Variants in IL1RAPL2 observed in about 807,000 individuals in gnomAD.
The protein encoded by IL1RAPL2 is interleukin 1 receptor accessory protein like 2, also known as X-linked interleukin-1 receptor accessory protein-like 2.
In IL1RAPL2, 3 loss-of-function variants were observed where a neutral mutation model predicts 44.1. That is an observed-to-expected ratio of 0.07 (90% CI 0.03 to 0.18). The LOEUF is 0.18. IL1RAPL2 is among the 10% of genes least tolerant of loss of function. The probability of loss-of-function intolerance (pLI) is 1.00; values close to 1 mark genes in which losing one functional copy is unlikely to be tolerated. For synonymous variants in IL1RAPL2, 181 were observed against 178.8 expected (o/e 1.01, Z -0.10); for missense variants, 391 against 496.4 (o/e 0.79, Z 2.02).
intron 2 of IL1RAPL2, among the ~76,000 whole-genome samples, chrX:104,674,609 C>G (rs1930702602): frequency 9.0e-6 from 1 of 111,231 alleles, no homozygotes; most frequent in Non-Finnish European, 1.9e-5. Flanking sequence ...ATGCTGGCCT[C>G]ATAAAATGAG....
chrX:105,221,854 A>C (rs1354560286), intron 3 of IL1RAPL2, among the ~76,000 whole-genome samples: 1 of 111,389 alleles, frequency 9.0e-6, no homozygotes, highest in African/African-American at 3.3e-5. Flanking sequence ...TAAGTTACCT[A>C]CCCTTCATAC....
chrX:105,367,660 T>A (rs1394860167), intron 5 of IL1RAPL2, among the ~76,000 whole-genome samples: 1 of 111,895 alleles, frequency 8.9e-6, no homozygotes, highest in African/African-American at 3.2e-5. Context: ...CACTTTGTTT[T>A]TCATGACACA....
At chrX:105,030,079 G>A (rs781596147) in intron 2 of IL1RAPL2, among the ~76,000 whole-genome samples, 7 of 111,485 alleles carry the variant, frequency 6.3e-5, no homozygotes, top group South Asian at 3.8e-4. Context: ...CATATCCTTC[G>A]CCCACTTTTT....
chrX:105,538,685 G>A (rs1192084799), intron 6 of IL1RAPL2, among the ~76,000 whole-genome samples: 1 of 111,518 alleles, frequency 9.0e-6, no homozygotes, highest in Non-Finnish European at 1.9e-5. Flanking sequence ...GGAAGTCCTA[G>A]CCAGAGTAAT....
intron 2 of IL1RAPL2, among the ~76,000 whole-genome samples, chrX:104,895,813 C>G (rs1475820609): frequency 1.8e-5 from 2 of 111,786 alleles, no homozygotes; most frequent in African/African-American, 6.5e-5. Flanking sequence ...GTCGGACAAG[C>G]CCCAGTGAGA....
At chrX:105,219,473 G>T (rs2033916584) in intron 3 of IL1RAPL2, 2 of 1,207,797 alleles carry the variant, frequency 1.7e-6, no homozygotes, top group East Asian at 5.9e-5. Flanking sequence ...ATTCTCTCCA[G>T]CTTCTCTGTG....
chrX:105,745,932 C>A (rs995022914), intron 8 of IL1RAPL2, among the ~76,000 whole-genome samples: 1 of 112,010 alleles, frequency 8.9e-6, no homozygotes, highest in African/African-American at 3.2e-5. Context: ...ACCCTCCTGC[C>A]CCGGCCTCCC....
intron 2 of IL1RAPL2, among the ~76,000 whole-genome samples, chrX:105,185,881 A>G (rs782606382): frequency 1.8e-5 from 2 of 112,220 alleles, no homozygotes; most frequent in Non-Finnish European, 3.8e-5. Flanking sequence ...TATGTGAGTT[A>G]TCGCAGGATG....
intron 6 of IL1RAPL2, among the ~76,000 whole-genome samples, chrX:105,624,570 T>C (rs931631575): frequency 1.8e-5 from 2 of 111,715 alleles, no homozygotes; most frequent in South Asian, 7.5e-4. Flanking sequence ...TACATAAGTA[T>C]TGAAGAAAAG....
chrX:105,263,203 A>G (rs2034374213), intron 4 of IL1RAPL2, among the ~76,000 whole-genome samples: 1 of 110,595 alleles, frequency 9.0e-6, no homozygotes, highest in Non-Finnish European at 1.9e-5. Context: ...ATTTTTAAGC[A>G]GATGTTTAGA....
At chrX:104,938,516 T>C (rs906847325) in intron 2 of IL1RAPL2, among the ~76,000 whole-genome samples, 1 of 111,667 alleles carries the variant, frequency 9.0e-6, no homozygotes, top group Non-Finnish European at 1.9e-5. Context: ...TGAATGCAGA[T>C]TTGTTAAATT....
chrX:105,353,518 T>C (rs1471026012), intron 5 of IL1RAPL2, among the ~76,000 whole-genome samples: 1 of 111,755 alleles, frequency 8.9e-6, no homozygotes, highest in Admixed American at 9.6e-5. Flanking sequence ...TAAATTACCT[T>C]GGGCAGTATG....
chrX:105,671,850 A>AT lies in IL1RAPL2; in HGVS notation c.773-45511dup, dbSNP rs989878100. 2.8e-5 allele frequency among the ~76,000 whole-genome samples: 3 copies of AT among 109,027 alleles called. No homozygotes were observed. The Admixed American group carries it at 3.0e-4, about 11-fold the overall frequency. 94.7% of individuals were successfully genotyped at this position (109,027 alleles called of 115,157 possible). A position where few individuals can be genotyped will look rare whatever the true frequency, so the allele number is the denominator to read the frequency against. The stretch of plus-strand genomic sequence containing the variant: ...ATCTATTCATTTTTTTTTCTAGTCT[A>AT]TTTTTTCTCTACTGTCCAGAATGAG... On this transcript the variant is annotated intron_variant, in intron 6 of 10. Transcript: ENST00000372582.
intron 2 of IL1RAPL2, among the ~76,000 whole-genome samples, chrX:104,892,706 G>A (rs778692012): frequency 9.0e-6 from 1 of 111,152 alleles, no homozygotes; most frequent in South Asian, 3.8e-4. Context: ...AGTCTTGCTA[G>A]CGGTCTATCA....
chrX:105,089,426 G>A (rs1361590766), intron 2 of IL1RAPL2, among the ~76,000 whole-genome samples: 3 of 110,998 alleles, frequency 2.7e-5, no homozygotes, highest in Admixed American at 1.9e-4. Flanking sequence ...TTCTTACTCT[G>A]TATGCTTCTT....
intron 2 of IL1RAPL2, among the ~76,000 whole-genome samples, chrX:105,026,884 C>G (rs951777599): frequency 7.3e-5 from 8 of 109,689 alleles, no homozygotes; most frequent in Non-Finnish European, 1.5e-4. Context: ...TATCCCAAAG[C>G]TATTCTAATG....
chrX:105,035,135 G>A lies in IL1RAPL2; in HGVS notation c.83-160340G>A, dbSNP rs762483107. Among the ~76,000 whole-genome samples the A allele has an allele frequency of 4.0e-4, 45 of 111,508 alleles. 1 individual carries two copies. The highest frequency in any genetic ancestry group is 1.9e-3 in the Admixed American group (20 of 10,543). Reference sequence around the variant, plus strand: ...GGAGTGACCCAATTTTCCAGGTGCCGTCTGTCACCCCTTTCTTTGACTAGG... The same window carrying A: ...GGAGTGACCCAATTTTCCAGGTGCCATCTGTCACCCCTTTCTTTGACTAGG... On this transcript the variant is annotated intron_variant, in intron 2 of 10. Coordinates refer to ENST00000372582, the MANE Select transcript of IL1RAPL2 (RefSeq NM_017416.2).
intron 2 of IL1RAPL2, among the ~76,000 whole-genome samples, chrX:104,673,253 C>A (rs1930657671): frequency 9.0e-6 from 1 of 111,569 alleles, no homozygotes; most frequent in African/African-American, 3.3e-5. Flanking sequence ...AGTCTTTAAT[C>A]CATGTTGAAC....
chrX:105,374,812 G>A (rs1426315840), intron 5 of IL1RAPL2, among the ~76,000 whole-genome samples: 1 of 108,402 alleles, frequency 9.2e-6, no homozygotes, highest in Non-Finnish European at 1.9e-5. Context: ...GCCGGGCGCG[G>A]TGGTGGGCAC....
Sources: gnomAD v4.1 joint callset for allele counts (sites outside exome capture counted in the v4.1 genomes callset) on GRCh38, gnomAD v4.1.1 for gene constraint, MANE v1.5 for transcripts, NCBI Gene and HGNC (gene_info 2026-07-23, HGNC 2026-07-21) for gene names.